YTHDC2: variants seen among roughly 807,000 people sequenced by gnomAD.
The protein encoded by YTHDC2 is YTH N6-methyladenosine RNA binding protein C2, also known as 3'-5' RNA helicase YTHDC2.
A neutral mutation model predicts 174.9 loss-of-function variants in YTHDC2; 45 were observed. That is an observed-to-expected ratio of 0.26 (90% CI 0.20 to 0.33). The LOEUF (loss-of-function observed/expected upper bound fraction) is 0.33. Among genes scored for constraint, YTHDC2 ranks in the 10% least tolerant of loss-of-function variants. The probability of loss-of-function intolerance (pLI) is 1.00; values close to 1 mark genes in which losing one functional copy is unlikely to be tolerated. For missense variants in YTHDC2, 1,650 were observed against 1,723.7 expected, an observed-to-expected ratio of 0.96 and a Z score of 0.76; for synonymous variants, 657 against 574.5, an observed-to-expected ratio of 1.14 and a Z score of -2.05.
At chr5:113,514,144 C>A (rs988102490) in intron 1 of YTHDC2, 62 bp downstream of exon 1, 49 of 1,547,300 alleles carry the variant, frequency 3.2e-5, no homozygotes, top group African/African-American at 1.5e-4. Flanking sequence ...CAGCGCCCCC[C>A]AAACGGCGGC....
In YTHDC2 at chr5:113,553,664, C is replaced by T. The variant is rs549182720; in HGVS notation, c.1942C>T (p.Arg648Trp). Reference sequence around the variant, plus strand: ...AGATCGCATCCTGTTTGATGACAAGCGGTTTGCTGACAGTACACATAGGTA... The same window carrying T: ...AGATCGCATCCTGTTTGATGACAAGTGGTTTGCTGACAGTACACATAGGTA... ...LRDRILFDDK[R>W]FADSTHRYQV... The change falls in exon 14 of 30, where the codon CGG becomes TGG. Residue 648 changes from arginine to tryptophan, a missense_variant. Physicochemically the swap from Arg to Trp is moderately radical, Grantham distance 101. Coordinates refer to ENST00000161863, the MANE Select transcript of YTHDC2 (RefSeq NM_022828.5). 12 of 1,613,478 alleles carry T rather than the reference C, an allele frequency of 7.4e-6. 1 individual carries two copies. The South Asian group carries it at 1.1e-4, about 15-fold the overall frequency.
At chr5:113,553,087 A>G (rs1776359355) in intron 12 of YTHDC2, 94 bp from the exon 13 acceptor site, 3 of 1,197,768 alleles carry the variant, frequency 2.5e-6, no homozygotes, top group South Asian at 1.9e-5. Flanking sequence ...CACTTACCTT[A>G]CCTTCCTTAG....
chr5:113,548,716 A>G (rs200371775), intron 11 of YTHDC2, 49 bp downstream of exon 11: 5 of 1,515,766 alleles, frequency 3.3e-6, no homozygotes, highest in African/African-American at 1.4e-5. Context: ...ATAGCTACAC[A>G]TATCTTTTTT....
intron 24 of YTHDC2, 64 bp from the exon 25 acceptor site, chr5:113,581,353 A>G: frequency 7.2e-7 from 1 of 1,388,058 alleles, no homozygotes; most frequent in East Asian, 2.6e-5. Context: ...ATGGAAACTA[A>G]TCAACACATA....
At chr5:113,549,635 G>T (rs955987171) in intron 12 of YTHDC2, among the ~76,000 whole-genome samples, 1 of 152,072 alleles carries the variant, frequency 6.6e-6, no homozygotes, top group Non-Finnish European at 1.5e-5. Context: ...TCTTTGTTCA[G>T]ATTTTGTCTT....
chr5:113,589,407 AAATAT>A (rs1403657894), intron 26 of YTHDC2, among the ~76,000 whole-genome samples: 49 of 108,670 alleles, frequency 4.5e-4, no homozygotes, highest in African/African-American at 1.8e-3. Flanking sequence ...AAAAAAAAAA[AAATAT>A]ATATATATAT....
chr5:113,589,265 C>T (rs1778856736), intron 26 of YTHDC2, among the ~76,000 whole-genome samples: 1 of 151,234 alleles, frequency 6.6e-6, no homozygotes, highest in Non-Finnish European at 1.5e-5. Context: ...GTCTTCATTT[C>T]AGATAGTTCT....
Position 113,535,647 on chromosome 5 carries a change from A to G in YTHDC2, c.951A>G (p.Glu317=). ...TTTATTTCTGTTTACTATAGGATGA[A>G]GTGCATGAAAGGGATCGATTTAGTG... ...LSTVTHVIVD[E]VHERDRFSDF... is the part of the protein sequence containing the mutation. The change falls in exon 7 of 30, where the codon GAA becomes GAG. Residue 317 remains glutamate (E), a synonymous_variant. Transcript: ENST00000161863. 2 of 1,608,968 alleles carry G rather than the reference A, an allele frequency of 1.2e-6. No individual in the cohort carries two copies. Among genetic ancestry groups the G allele is most frequent in the Non-Finnish European group, 1.7e-6 (2 of 1,178,138 alleles).
At chr5:113,579,878 A>T (rs1778293036) in intron 24 of YTHDC2, 183 bp downstream of exon 24, 1 of 985,134 alleles carries the variant, frequency 1.0e-6, no homozygotes, top group African/African-American at 1.7e-5. Context: ...CCAACAGAGG[A>T]CTTGGAAAAC....
chr5:113,577,064 T>G (rs1778103008), intron 23 of YTHDC2, among the ~76,000 whole-genome samples: 1 of 152,182 alleles, frequency 6.6e-6, no homozygotes, highest in South Asian at 2.1e-4. Flanking sequence ...ATCTGTACAA[T>G]TTATTAAACA....
At position 113,591,216 on chromosome 5, in the gene YTHDC2, T is replaced by A. The variant is rs200971375; in HGVS notation, c.4001T>A (p.Phe1334Tyr). Residue 1334 changes from phenylalanine to tyrosine, a missense_variant, in exon 27 of 30, where the codon TTT becomes TAT. Transcript: ENST00000161863. ...GAAAGCAGCATAGTTTACTTGGTAT[T>A]TTCTGTTCAAGGATCTGGACATTTC... ...FWESSIVYLV[F>Y]SVQGSGHFQG... The A allele has an allele frequency of 3.0e-4, 487 of 1,613,912 alleles. 1 individual carries two copies. The highest frequency in any genetic ancestry group is 3.8e-4 in the Non-Finnish European group (448 of 1,179,840).
intron 17 of YTHDC2, among the ~76,000 whole-genome samples, chr5:113,558,353 A>G (rs935062764): frequency 6.6e-5 from 10 of 152,360 alleles, no homozygotes; most frequent in Admixed American, 5.9e-4. Context: ...AGGAGGACCC[A>G]GTAGGAGGCT....
At chr5:113,531,611 C>A (rs57617774) in intron 4 of YTHDC2, among the ~76,000 whole-genome samples, 1 of 151,616 alleles carries the variant, frequency 6.6e-6, no homozygotes, top group Non-Finnish European at 1.5e-5. Context: ...CCAGGCATTC[C>A]AAGAGGGTTT....
chr5:113,579,566 T>A lies in YTHDC2; in HGVS notation c.3245-20T>A. The A allele has an allele frequency of 6.5e-7, 1 of 1,544,478 alleles. No individual in the cohort carries two copies. Among genetic ancestry groups the A allele is most frequent in the South Asian group, 1.2e-5 (1 of 80,062 alleles). On this transcript the variant is annotated intron_variant, in intron 23 of 29. Coordinates refer to ENST00000161863, the MANE Select transcript of YTHDC2 (RefSeq NM_022828.5). ...GTAAGAAGGTAAAAGTGATTTTTTTTTCATTATGTACTTGGACAGTGGATG... is the reference window on the plus strand; with the variant it reads ...GTAAGAAGGTAAAAGTGATTTTTTTATCATTATGTACTTGGACAGTGGATG...
chr5:113,562,116 A>C (rs914652819), intron 18 of YTHDC2, among the ~76,000 whole-genome samples: 4 of 150,798 alleles, frequency 2.7e-5, no homozygotes, highest in Admixed American at 1.3e-4. Context: ...CCAACCCTTA[A>C]AGAGAGGCAG....
rs147306503 is a variant in YTHDC2 at position 113,522,927 on chromosome 5, G to A, written c.279-2054G>A. 6.7e-3 allele frequency among the ~76,000 whole-genome samples: 1,024 copies of A among 152,144 alleles called. 5 individuals carry two copies. The highest frequency in any genetic ancestry group is 0.011 in the Non-Finnish European group (742 of 67,926). On this transcript the variant is annotated intron_variant, in intron 2 of 29. Coordinates refer to ENST00000161863, the MANE Select transcript of YTHDC2 (RefSeq NM_022828.5). ...ACCATATGTGCTCAAACTGAATTCA[G>A]TAAATTTTAAATGGTAATGGCTAAG...
At chr5:113,573,300 A>G (rs1202710309) in intron 23 of YTHDC2, among the ~76,000 whole-genome samples, 2 of 152,044 alleles carry the variant, frequency 1.3e-5, no homozygotes, top group African/African-American at 4.8e-5. Context: ...TTGGCCCCCA[A>G]TCTCTTCTGG....
chr5:113,554,438 C>T (rs933385947), intron 16 of YTHDC2, among the ~76,000 whole-genome samples: 3 of 152,028 alleles, frequency 2.0e-5, no homozygotes, highest in African/African-American at 7.2e-5. Flanking sequence ...TCTTTGTTCA[C>T]TGTTAAATCT....
intron 26 of YTHDC2, among the ~76,000 whole-genome samples, chr5:113,589,586 T>G (rs979416760): frequency 1.3e-5 from 2 of 151,374 alleles, no homozygotes; most frequent in Non-Finnish European, 2.9e-5. Flanking sequence ...AAAAAATTAG[T>G]TGGGCATGGT....
Sources: allele counts gnomAD v4.1 joint callset (sites outside exome capture counted in the v4.1 genomes callset), GRCh38; gene constraint gnomAD v4.1.1; transcripts MANE v1.5; gene names NCBI Gene and HGNC (gene_info 2026-07-23, HGNC 2026-07-21).